KMT2C: variants seen among roughly 807,000 people sequenced by gnomAD.
The protein encoded by KMT2C is lysine methyltransferase 2C, also known as histone-lysine N-methyltransferase 2C.
KMT2C carries 88 observed loss-of-function variants against 507.9 expected under a neutral mutation model. The observed-to-expected ratio is 0.17, with a 90% confidence interval of 0.15 to 0.21. The LOEUF (loss-of-function observed/expected upper bound fraction) is 0.21. Ranked by LOEUF, KMT2C falls within the 10% of genes least tolerant of loss-of-function variation. KMT2C has a pLI of 1.00. For missense variants in KMT2C, 4,954 were observed against 5,957.8 expected (o/e 0.83, Z 5.55); for synonymous variants, 2,049 against 2,080.8 (o/e 0.98, Z 0.42).
intron 1 of KMT2C, chr7:152,368,251 AC>A (rs1473671267): frequency 4.4e-6 from 4 of 911,988 alleles, no homozygotes; most frequent in Non-Finnish European, 7.4e-6. Flanking sequence ...GAAAGATGTT[AC>A]TAATAATGTC....
intron 1 of KMT2C, among the ~76,000 whole-genome samples, chr7:152,420,800 A>G (rs560707129): frequency 6.6e-6 from 1 of 151,626 alleles, no homozygotes; most frequent in African/African-American, 2.4e-5. Flanking sequence ...GCACCACTGC[A>G]CTCCAGACTG....
At chr7:152,296,427 C>T (rs1429917245) in intron 6 of KMT2C, among the ~76,000 whole-genome samples, 1 of 139,940 alleles carries the variant, frequency 7.1e-6, no homozygotes, top group Non-Finnish European at 1.5e-5. Flanking sequence ...GGCGAAACTC[C>T]ATCTCAAAAA....
intron 1 of KMT2C, among the ~76,000 whole-genome samples, chr7:152,374,884 CA>C (rs71198779): frequency 0.046 from 3,554 of 77,602 alleles, 90 homozygotes; most frequent in African/African-American, 0.1. Flanking sequence ...CTCTGTCTCT[CA>C]AAAAAAAAAA....
intron 55 of KMT2C, among the ~76,000 whole-genome samples, chr7:152,143,637 A>G (rs1421593043): frequency 6.6e-6 from 1 of 152,258 alleles, no homozygotes; most frequent in Non-Finnish European, 1.5e-5. Flanking sequence ...AATGAATACA[A>G]AACACATTTC....
chr7:152,371,617 CATTTT>C (rs1341312704), intron 1 of KMT2C, among the ~76,000 whole-genome samples: 2 of 151,222 alleles, frequency 1.3e-5, no homozygotes, highest in African/African-American at 4.9e-5. Context: ...TTTTTCATTT[CATTTT>C]ATTTTTTTTG....
At chr7:152,323,788 A>C in intron 3 of KMT2C, among the ~76,000 whole-genome samples, 1 of 118,858 alleles carries the variant, frequency 8.4e-6, no homozygotes. Context: ...GGGGGAGGGG[A>C]AGGGAAGGGA....
At chr7:152,306,524 G>A (rs2096616999) in intron 6 of KMT2C, among the ~76,000 whole-genome samples, 1 of 151,942 alleles carries the variant, frequency 6.6e-6, no homozygotes. Flanking sequence ...CCTCTGTGTG[G>A]GCATTTAGTT....
intron 15 of KMT2C, among the ~76,000 whole-genome samples, chr7:152,237,401 T>C (rs573143562): frequency 1.1e-3 from 160 of 152,342 alleles, no homozygotes; most frequent in Admixed American, 2.0e-3. Flanking sequence ...CACTCCTGTC[T>C]TCTCTTACCC....
Position 152,350,745 on chromosome 7 carries a change from T to C in KMT2C, c.250+7842A>G, listed in dbSNP as rs187562126. 2.2e-3 allele frequency among the ~76,000 whole-genome samples: 328 copies of C among 152,330 alleles called. 3 individuals are homozygous for C. Among genetic ancestry groups the C allele is most frequent in the Middle Eastern group, 0.01 (3 of 294 alleles). On this transcript the variant is annotated intron_variant, in intron 2 of 58. Transcript: ENST00000262189. ...AGTAGGCTTTATAAACACTGTACAC[T>C]TAGGCTACACCAAATTTTTAAAATA... is the stretch of plus-strand genomic sequence containing the variant.
At chr7:152,197,852 A>G (rs2094010680) in intron 27 of KMT2C, among the ~76,000 whole-genome samples, 1 of 151,948 alleles carries the variant, frequency 6.6e-6, no homozygotes, top group African/African-American at 2.4e-5. Flanking sequence ...TGAAATGGGT[A>G]TATTTTTCTA....
Position 152,252,571 on chromosome 7 carries a change from T to G in KMT2C, c.1444A>C (p.Met482Leu), listed in dbSNP as rs761794954. ...CTTTTGCACATATTACAATGAAGCA[T>G]GTCTTTCTGCAATTCTGGATGATAA... Reference protein sequence around the residue: ...KCYHPELQKDMLHCNMCKRWV... With the variant: ...KCYHPELQKDLLHCNMCKRWV... The change falls in exon 10 of 59, where the codon ATG (methionine) becomes CTG (leucine). Residue 482 changes from methionine to leucine, a missense_variant. Physicochemically the swap from Met to Leu is conservative, Grantham distance 15 (BLOSUM62 2). Around this residue, in one of 29 missense-constraint regions of KMT2C, gnomAD observed 376 missense variants for 352.4 expected, o/e 1.07. Transcript: ENST00000262189. 6.2e-7 allele frequency: 1 copy of G among 1,613,352 alleles called. No individual in the cohort carries two copies. Among genetic ancestry groups the G allele is most frequent in the Non-Finnish European group, 8.5e-7 (1 of 1,179,576 alleles).
intron 8 of KMT2C, among the ~76,000 whole-genome samples, chr7:152,264,008 G>A (rs2095822332): frequency 6.6e-6 from 1 of 152,142 alleles, no homozygotes; most frequent in Admixed American, 6.5e-5. Context: ...TTATTATTCA[G>A]TTCAGCCTCT....
intron 1 of KMT2C, among the ~76,000 whole-genome samples, chr7:152,407,597 G>A (rs79738000): frequency 0.018 from 2,538 of 139,670 alleles, no homozygotes; most frequent in African/African-American, 0.051. Context: ...ACTTGAACCC[G>A]AGGGGCGAAG....
chr7:152,301,569 C>T (rs1459021033), intron 6 of KMT2C, among the ~76,000 whole-genome samples: 9 of 152,012 alleles, frequency 5.9e-5, no homozygotes, highest in Non-Finnish European at 1.3e-4. Context: ...CATTTGTGAT[C>T]CCAGCTACTC....
chr7:152,373,694 G>C (rs935352384), intron 1 of KMT2C, among the ~76,000 whole-genome samples: 3 of 152,080 alleles, frequency 2.0e-5, no homozygotes, highest in Non-Finnish European at 4.4e-5. Flanking sequence ...AAGATTGTCA[G>C]ATCAACACAG....
chr7:152,290,532 G>C (rs981981044), intron 6 of KMT2C, among the ~76,000 whole-genome samples: 1 of 150,818 alleles, frequency 6.6e-6, no homozygotes, highest in African/African-American at 2.4e-5. Context: ...CTGGTCTTGA[G>C]CTCCTGACCT....
intron 1 of KMT2C, among the ~76,000 whole-genome samples, chr7:152,371,278 G>A (rs1187818932): frequency 2.0e-5 from 3 of 152,188 alleles, no homozygotes; most frequent in African/African-American, 2.4e-5. Context: ...GACGTTAAAT[G>A]TAAAGTTGTG....
intron 36 of KMT2C, 139 bp downstream of exon 36, chr7:152,180,572 T>C: frequency 1.5e-6 from 1 of 647,566 alleles, no homozygotes; most frequent in South Asian, 2.4e-5. Context: ...CAATTTCATT[T>C]TTCTTTTTTG....
chr7:152,430,367 GA>G (rs1315380711), intron 1 of KMT2C, among the ~76,000 whole-genome samples: 29 of 146,270 alleles, frequency 2.0e-4, no homozygotes, highest in African/African-American at 4.1e-4. Flanking sequence ...AAACAATATA[GA>G]AAAAAAAAAG....
Sources: allele counts gnomAD v4.1 joint callset (sites outside exome capture counted in the v4.1 genomes callset), GRCh38; gene constraint gnomAD v4.1.1; regional missense constraint gnomAD v4.1.1; transcripts MANE v1.5; gene names NCBI Gene and HGNC (gene_info 2026-07-23, HGNC 2026-07-21).